DNAH5: variants seen among roughly 807,000 people sequenced by gnomAD.
DNAH5 encodes axonemal beta dynein heavy chain 5.
Under a neutral mutation model 518.2 loss-of-function variants are expected in DNAH5, and 372 were observed. That is an observed-to-expected ratio of 0.72 (90% CI 0.66 to 0.78). The LOEUF is 0.78. DNAH5 is among the 30% of genes least tolerant of loss of function. DNAH5 has a pLI of 0.00. For missense variants in DNAH5, 5,523 were observed against 5,687.0 expected (o/e 0.97, Z 0.93); for synonymous variants, 2,039 against 2,025.9 (o/e 1.01, Z -0.17).
chr5:13,834,699 C>T (rs1764142578), intron 35 of DNAH5, among the ~76,000 whole-genome samples: 1 of 152,176 alleles, frequency 6.6e-6, no homozygotes, highest in Non-Finnish European at 1.5e-5. Flanking sequence ...AAGAGGGTGC[C>T]AGGCCAAGTG....
Position 13,814,606 on chromosome 5 carries a change from T to A in DNAH5, c.7229A>T (p.Glu2410Val), listed in dbSNP as rs532230670. ...SSILDWSPIL[E>V]GFLKKRSPQE... ...TACAAAAGAAGGATTCAATTATACC[T>A]CAAGAATAGGACTCCAATCAAGGAT... The change falls in exon 43 of 79, where the codon GAG becomes GTG. Residue 2410 changes from glutamate to valine, a missense_variant and splice_region_variant. Coordinates refer to ENST00000265104, the MANE Select transcript of DNAH5 (RefSeq NM_001369.3). The A allele has an allele frequency of 6.2e-7, 1 of 1,613,690 alleles. No homozygotes were observed. Among genetic ancestry groups the A allele is most frequent in the Non-Finnish European group, 8.5e-7 (1 of 1,179,648 alleles).
intron 76 of DNAH5, 50 bp downstream of exon 76, chr5:13,708,073 T>G: frequency 1.3e-6 from 2 of 1,588,838 alleles, no homozygotes; most frequent in Non-Finnish European, 1.7e-6. Flanking sequence ...CAATTACAAC[T>G]CTTCACAATC....
At chr5:13,940,444 T>C (rs1268001175) in intron 1 of DNAH5, among the ~76,000 whole-genome samples, 1 of 152,178 alleles carries the variant, frequency 6.6e-6, no homozygotes, top group Non-Finnish European at 1.5e-5. Context: ...ATTCACGTTA[T>C]ATATGGCACA....
Position 13,830,193 on chromosome 5 carries a change from A to G in DNAH5, c.6082T>C (p.Trp2028Arg). 6.2e-7 allele frequency: 1 copy of G among 1,614,112 alleles called. No individual in the cohort carries two copies. Among genetic ancestry groups the G allele is most frequent in the Non-Finnish European group, 8.5e-7 (1 of 1,179,976 alleles). The stretch of plus-strand genomic sequence containing the variant: ...CGGTTAAATTCATCAAAACAACCCC[A>G]GGATCCAGACTGTGCCAGTCCTTCG... ...IFKGLAQSGS[W>R]GCFDEFNRID... Residue 2028 changes from tryptophan (W) to arginine (R), a missense_variant, in exon 37 of 79, where the codon TGG becomes CGG. Trp to Arg is a moderately radical substitution (Grantham distance 101). Around this residue, in one of 3 missense-constraint regions of DNAH5, gnomAD observed 5,121 missense variants for 5,223.3 expected, o/e 0.98. Coordinates refer to ENST00000265104, the MANE Select transcript of DNAH5 (RefSeq NM_001369.3).
intron 61 of DNAH5, among the ~76,000 whole-genome samples, chr5:13,755,333 A>C (rs893438732): frequency 2.6e-4 from 40 of 152,210 alleles, no homozygotes; most frequent in African/African-American, 8.7e-4. Context: ...TCCATGAATA[A>C]GAATACTCTG....
At chr5:13,900,022 C>A in intron 15 of DNAH5, 184 bp downstream of exon 15, 1 of 601,386 alleles carries the variant, frequency 1.7e-6, no homozygotes. Flanking sequence ...CTCATCTTGG[C>A]CTGCAAGACC....
intron 19 of DNAH5, among the ~76,000 whole-genome samples, chr5:13,884,620 T>A (rs559912616): frequency 2.0e-5 from 3 of 152,354 alleles, no homozygotes; most frequent in African/African-American, 7.2e-5. Context: ...GCGGATCACC[T>A]GAGCTCAGGA....
At chr5:13,811,539 A>T in intron 44 of DNAH5, 108 bp downstream of exon 44, 1 of 1,076,240 alleles carries the variant, frequency 9.3e-7, no homozygotes, top group South Asian at 1.4e-5. Context: ...CAAATATAGT[A>T]CTCTCTGTAT....
chr5:13,713,897 TC>T (rs1164344818), intron 75 of DNAH5, among the ~76,000 whole-genome samples: 7 of 152,308 alleles, frequency 4.6e-5, no homozygotes, highest in Admixed American at 2.0e-4. Flanking sequence ...ACTTTCATCA[TC>T]ATAAATTTGC....
At chr5:13,812,797 T>C (rs1760892626) in intron 43 of DNAH5, among the ~76,000 whole-genome samples, 1 of 152,242 alleles carries the variant, frequency 6.6e-6, no homozygotes, top group Non-Finnish European at 1.5e-5. Flanking sequence ...CAGCGTTTCC[T>C]TAAGATGAGG....
intron 60 of DNAH5, among the ~76,000 whole-genome samples, chr5:13,760,757 A>C (rs542223852): frequency 1.3e-5 from 2 of 152,212 alleles, no homozygotes; most frequent in African/African-American, 4.8e-5. Context: ...AATTTAGGGA[A>C]TGCCCTTGAC....
intron 7 of DNAH5, among the ~76,000 whole-genome samples, chr5:13,917,893 AT>A (rs1250119593): frequency 6.6e-6 from 1 of 152,228 alleles, no homozygotes; most frequent in East Asian, 1.9e-4. Flanking sequence ...ATTGCAACAA[AT>A]TATTACGTAT....
chr5:13,912,676 A>T (rs1776156834), intron 11 of DNAH5, among the ~76,000 whole-genome samples: 1 of 151,648 alleles, frequency 6.6e-6, no homozygotes, highest in Admixed American at 6.6e-5. Context: ...ACACATATAT[A>T]GTGTTATATA....
chr5:13,829,743 C>G (rs1267012691), intron 37 of DNAH5, 39 bp from the exon 38 acceptor site: 1 of 1,558,264 alleles, frequency 6.4e-7, no homozygotes, highest in Non-Finnish European at 8.9e-7. Flanking sequence ...ATGATGCAAT[C>G]AAGCACACAT....
At chr5:13,800,278 A>C (rs139801161) in intron 47 of DNAH5, among the ~76,000 whole-genome samples, 3 of 152,314 alleles carry the variant, frequency 2.0e-5, no homozygotes, top group African/African-American at 7.2e-5. Flanking sequence ...ACTCCTTTGG[A>C]TAGCTATCCA....
rs1171121110 is a variant in DNAH5, at chr5:13,766,146, T to G, written c.9931A>C (p.Thr3311Pro). 6.2e-7 allele frequency: 1 copy of G among 1,614,178 alleles called. No individual in the cohort carries two copies. The highest frequency in any genetic ancestry group is 8.5e-7 in the Non-Finnish European group (1 of 1,180,006). Reference protein sequence around the residue: ...IRPSDIATVRTLGRPPHLIMR... With the variant: ...IRPSDIATVRPLGRPPHLIMR... ...ATGAGGTGAGGGGGGCGGCCCAACG[T>G]GCGAACAGTGGCGATGTCCGAAGGC... The change falls in exon 59 of 79, where the codon ACG (threonine) becomes CCG (proline). Residue 3311 changes from threonine (T) to proline (P), a missense_variant. Around this residue, in one of 3 missense-constraint regions of DNAH5, gnomAD observed 5,121 missense variants for 5,223.3 expected, o/e 0.98. Coordinates refer to ENST00000265104, the MANE Select transcript of DNAH5 (RefSeq NM_001369.3).
In DNAH5 at chr5:13,810,238, T is replaced by C. The variant is rs2127015411; in HGVS notation, c.7430A>G (p.Gln2477Arg). ...CACGAACAGCCGCCCCAGGTGAGCC[T>C]GGCTCACCTCCCCGCCTTGCTCCTG... ...PLKEQGGEVSQAHLGRLFVFA... is the reference protein window; with the variant it reads ...PLKEQGGEVSRAHLGRLFVFA... The change falls in exon 45 of 79, where the codon CAG (glutamine) becomes CGG (arginine). Residue 2477 changes from glutamine (Q) to arginine (R), a missense_variant. This residue lies in a region of DNAH5 where 5,121 missense variants were observed against 5,223.3 expected (regional missense o/e 0.98). Transcript: ENST00000265104. The C allele has an allele frequency of 1.9e-6, 3 of 1,550,566 alleles. No individual in the cohort carries two copies. The highest frequency in any genetic ancestry group is 3.9e-5 in the Admixed American group (2 of 51,052).
intron 29 of DNAH5, among the ~76,000 whole-genome samples, chr5:13,859,826 G>A (rs900949626): frequency 6.6e-6 from 1 of 152,086 alleles, no homozygotes; most frequent in Admixed American, 6.5e-5. Context: ...AGAGAAGGGT[G>A]GGAGATTTAT....
At chr5:13,778,480 A>T (rs1416923055) in intron 53 of DNAH5, among the ~76,000 whole-genome samples, 2 of 41,330 alleles carry the variant, frequency 4.8e-5, no homozygotes, top group Non-Finnish European at 9.5e-5. Context: ...GGAAGGAAAG[A>T]AGGAAGGAAG....
Sources: allele counts gnomAD v4.1 joint callset (sites outside exome capture counted in the v4.1 genomes callset), GRCh38; gene constraint gnomAD v4.1.1; regional missense constraint gnomAD v4.1.1; transcripts MANE v1.5; gene names NCBI Gene and HGNC (gene_info 2026-07-23, HGNC 2026-07-21).